The following KAT2B variants were observed in gnomAD, a reference collection of about 807,000 sequenced individuals.
The protein encoded by KAT2B is histone acetyltransferase KAT2B.
A neutral mutation model predicts 105.9 loss-of-function variants in KAT2B; 36 were observed. The observed-to-expected ratio is 0.34, with a 90% confidence interval of 0.26 to 0.45. The LOEUF is 0.45. Ranked by LOEUF, KAT2B falls within the 20% of genes least tolerant of loss-of-function variation. KAT2B has a pLI of 1.00. For missense variants in KAT2B, 820 were observed against 1,021.6 expected, an observed-to-expected ratio of 0.80 and a Z score of 2.69; for synonymous variants, 397 against 377.9, an observed-to-expected ratio of 1.05 and a Z score of -0.59.
At chr3:20,064,320 C>T (rs545913402) in intron 1 of KAT2B, among the ~76,000 whole-genome samples, 4 of 152,304 alleles carry the variant, frequency 2.6e-5, no homozygotes, top group African/African-American at 7.2e-5. Context: ...ATGTTCATCA[C>T]CTCAATCACT....
intron 6 of KAT2B, among the ~76,000 whole-genome samples, chr3:20,114,525 T>C (rs1352664921): frequency 7.0e-6 from 1 of 142,584 alleles, no homozygotes; most frequent in Non-Finnish European, 1.5e-5. Flanking sequence ...TCGATAAATA[T>C]TAGTAACTTT....
intron 2 of KAT2B, among the ~76,000 whole-genome samples, chr3:20,093,124 G>A (rs1369679191): frequency 6.6e-6 from 1 of 152,184 alleles, no homozygotes; most frequent in Admixed American, 6.5e-5. Flanking sequence ...AGACATGTTA[G>A]TTTGAGTTCC....
chr3:20,099,240 C>G (rs966272855), intron 3 of KAT2B, among the ~76,000 whole-genome samples: 1 of 151,996 alleles, frequency 6.6e-6, no homozygotes, highest in Non-Finnish European at 1.5e-5. Flanking sequence ...CTGCATTCTA[C>G]GGATGGAAGG....
chr3:20,148,704 G>T, intron 17 of KAT2B: 1 of 458,180 alleles, frequency 2.2e-6, no homozygotes, highest in East Asian at 3.5e-5. Flanking sequence ...GAGCCCACAT[G>T]AGCTTAACGA....
chr3:20,109,421 A>T (rs746083122), intron 5 of KAT2B, among the ~76,000 whole-genome samples: 28 of 152,106 alleles, frequency 1.8e-4, no homozygotes, highest in Non-Finnish European at 3.4e-4. Context: ...GGTTCAAGTG[A>T]TCCTACCTCC....
At chr3:20,150,674 A>G (rs945519713) in intron 17 of KAT2B, among the ~76,000 whole-genome samples, 24 of 152,244 alleles carry the variant, frequency 1.6e-4, no homozygotes, top group African/African-American at 5.8e-4. Flanking sequence ...AGGAAGAAGA[A>G]TGCTATCTAT....
Position 20,147,904 on chromosome 3 carries a change from A to G in KAT2B, c.2120-59A>G, listed in dbSNP as rs371804461. On this transcript the variant is annotated intron_variant, in intron 14 of 17. Coordinates refer to ENST00000263754, the MANE Select transcript of KAT2B (RefSeq NM_003884.5). Reference sequence around the variant, plus strand: ...TTCTTGTTTTTGATAAGTATTAACTATGTTATTCTCTTGACCAAAAGCACT... The same window carrying G: ...TTCTTGTTTTTGATAAGTATTAACTGTGTTATTCTCTTGACCAAAAGCACT... The G allele has an allele frequency of 1.2e-4, 182 of 1,510,166 alleles. No homozygotes were observed. In the African/African-American group the frequency reaches 2.0e-3, roughly 16 times the overall value. 93.5% of individuals were successfully genotyped at this position (1,510,166 alleles called of 1,614,324 possible).
At chr3:20,117,153 C>T (rs1231393970) in intron 7 of KAT2B, among the ~76,000 whole-genome samples, 1 of 152,194 alleles carries the variant, frequency 6.6e-6, no homozygotes. Flanking sequence ...CTTCCAGCCA[C>T]ATTGTTATCT....
intron 11 of KAT2B, among the ~76,000 whole-genome samples, chr3:20,135,674 C>T (rs1277448543): frequency 6.6e-6 from 1 of 151,028 alleles, no homozygotes; most frequent in African/African-American, 2.4e-5. Flanking sequence ...AAATAAAAAC[C>T]AAAGTGATTA....
In KAT2B at chr3:20,128,496, G is replaced by GT. The variant is rs371801825; in HGVS notation, c.1749+956dup. ...TTGGAGTGTCTTTTTGTTTTGTTTT[G>GT]TTTTTTTTTGTTGCTAATTTATCTT... On this transcript the variant is annotated intron_variant, in intron 11 of 17. Coordinates refer to ENST00000263754, the MANE Select transcript of KAT2B (RefSeq NM_003884.5). Among the ~76,000 whole-genome samples the GT allele has an allele frequency of 2.3e-3, 332 of 146,916 alleles. 1 individual carries two copies. Among genetic ancestry groups the GT allele is most frequent in the African/African-American group, 6.8e-3 (274 of 40,310 alleles).
chr3:20,075,503 A>G (rs569187790), intron 2 of KAT2B, among the ~76,000 whole-genome samples: 1 of 152,256 alleles, frequency 6.6e-6, no homozygotes, highest in East Asian at 1.9e-4. Flanking sequence ...CTCCCACTTC[A>G]GATGCCAATT....
chr3:20,139,924 C>A (rs777169352), intron 12 of KAT2B, among the ~76,000 whole-genome samples: 2 of 152,190 alleles, frequency 1.3e-5, no homozygotes, highest in Non-Finnish European at 2.9e-5. Flanking sequence ...TTATGTAATT[C>A]AGTACAAAAT....
chr3:20,141,735 C>A (rs1384437699), intron 13 of KAT2B, among the ~76,000 whole-genome samples: 2 of 149,730 alleles, frequency 1.3e-5, no homozygotes, highest in East Asian at 3.9e-4. Context: ...TTTTCTTTTA[C>A]TTAAAGTGGC....
intron 14 of KAT2B, 46 bp downstream of exon 14, chr3:20,146,476 G>A (rs201328564): frequency 5.4e-5 from 58 of 1,079,346 alleles, no homozygotes; most frequent in South Asian, 3.0e-4. Flanking sequence ...TAGTAATGCC[G>A]TGGTTTGTGT....
intron 5 of KAT2B, among the ~76,000 whole-genome samples, chr3:20,106,961 GTATATATATATATATATGTATA>G (rs1162936453): frequency 0.036 from 2,526 of 69,560 alleles, 106 homozygotes; most frequent in Non-Finnish European, 0.046. Context: ...AATTTTATGT[GTATATATATATATATATGTATA>G]TATATATATA....
rs1323083990 is a variant in KAT2B at position 20,148,000 on chromosome 3, G to GT, written c.2156+2dup. 3 of 1,613,446 alleles carry GT rather than the reference G, an allele frequency of 1.9e-6. No homozygotes were observed. Among genetic ancestry groups the GT allele is most frequent in the Non-Finnish European group, 2.5e-6 (3 of 1,179,596 alleles). ...GGAAACCGAGTGGAAAAGAGAAAAGGTAAGTATGACGGGCAAGAGGATGTT... is the reference window on the plus strand; with the variant it reads ...GGAAACCGAGTGGAAAAGAGAAAAGGTTAAGTATGACGGGCAAGAGGATGTT... On this transcript the variant is annotated splice_donor_variant, in intron 15 of 17. Coordinates refer to ENST00000263754, the MANE Select transcript of KAT2B (RefSeq NM_003884.5). LOFTEE classifies it high-confidence loss of function.
In KAT2B at chr3:20,114,965, C is replaced by A; in HGVS notation, c.1127C>A (p.Thr376Asn). Residue 376 changes from threonine to asparagine, a missense_variant, in exon 7 of 18, where the codon ACC (threonine) becomes AAC (asparagine). Thr to Asn is a moderately conservative substitution (Grantham distance 65). This residue lies in a region of KAT2B where 225 missense variants were observed against 268.1 expected (regional missense o/e 0.84). Transcript: ENST00000263754. ...GATTTTCTCTCAGCCTCTTCCAGAA[C>A]CAGCCAGCTAGGCATCCAAACAGGT... ...DQDFLSASSR[T>N]SQLGIQTVIN... 1 of 1,611,604 alleles carries A rather than the reference C, an allele frequency of 6.2e-7. No individual in the cohort carries two copies. Among genetic ancestry groups the A allele is most frequent in the Non-Finnish European group, 8.5e-7 (1 of 1,177,830 alleles).
intron 1 of KAT2B, among the ~76,000 whole-genome samples, chr3:20,053,050 C>CG (rs2125167140): frequency 6.6e-6 from 1 of 152,284 alleles, no homozygotes; most frequent in Non-Finnish European, 1.5e-5. Flanking sequence ...GCAGGGCAGC[C>CG]TCCAGCTGGA....
In KAT2B at chr3:20,070,960, G is replaced by A. The variant is rs545578029; in HGVS notation, c.304-1373G>A. Among the ~76,000 whole-genome samples the A allele has an allele frequency of 1.8e-3, 267 of 148,362 alleles. 1 individual carries two copies. The highest frequency in any genetic ancestry group is 0.016 in the Admixed American group (243 of 14,832). On this transcript the variant is annotated intron_variant, in intron 1 of 17. Transcript: ENST00000263754. ...AGAGGTGGAGGATGCAGTGAGACAA[G>A]ATCTTGCCACTGCACTCCAGCCTGG...
Sources: gnomAD v4.1 joint callset for allele counts (sites outside exome capture counted in the v4.1 genomes callset) on GRCh38, gnomAD v4.1.1 for gene constraint, gnomAD v4.1.1 regional missense constraint, MANE v1.5 for transcripts, NCBI Gene and HGNC (gene_info 2026-07-23, HGNC 2026-07-21) for gene names.